Variants in FLNB observed in about 807,000 individuals in gnomAD.
FLNB encodes filamin B.
A neutral mutation model predicts 250.6 loss-of-function variants in FLNB; 111 were observed. The ratio of observed to expected loss-of-function variants is 0.44; its 90% CI spans 0.38 to 0.52. The LOEUF is 0.52. FLNB is among the 20% of genes least tolerant of loss of function. The pLI is 0.00. For synonymous variants in FLNB, 1,302 were observed against 1,372.1 expected (o/e 0.95, Z 1.13); for missense variants, 2,869 against 3,447.8 (o/e 0.83, Z 4.20).
rs1201038797 is a variant in FLNB, at chr3:58,150,199, C to T, written c.6339C>T (p.Ser2113=). ...SRAPSVATVG[S]ICDLNLKIPE... is the part of the protein sequence containing the mutation. ...CCCCGTCCGTGGCCACTGTCGGGAG[C>T]ATTTGTGACCTGAACCTGAAAATCC... The change falls in exon 38 of 46, where the codon AGC becomes AGT. Residue 2113 remains serine (S), a synonymous_variant. Transcript: ENST00000295956. 2.5e-6 allele frequency: 4 copies of T among 1,614,210 alleles called. No individual in the cohort carries two copies. Among genetic ancestry groups the T allele is most frequent in the Non-Finnish European group, 3.4e-6 (4 of 1,180,036 alleles).
intron 4 of FLNB, among the ~76,000 whole-genome samples, chr3:58,093,047 T>C (rs6785667): frequency 0.44 from 66,328 of 152,056 alleles, 16,096 homozygotes; most frequent in East Asian, 0.92. Context: ...GGTCCTCAGG[T>C]AACCCACAGC....
chr3:58,021,551 C>T (rs1181777415), intron 1 of FLNB, among the ~76,000 whole-genome samples: 1 of 152,160 alleles, frequency 6.6e-6, no homozygotes, highest in Non-Finnish European at 1.5e-5. Context: ...CATTCCTTAT[C>T]TCCACCAAAG....
chr3:58,023,291 T>C (rs1658343), intron 1 of FLNB, among the ~76,000 whole-genome samples: 114,691 of 151,798 alleles, frequency 0.76, 44,137 homozygotes, highest in East Asian at 0.95. Context: ...AGAGACAGGC[T>C]AAGCTTGTCT....
intron 15 of FLNB, 23 bp downstream of exon 15, chr3:58,109,722 C>T (rs1217927475): frequency 6.2e-7 from 1 of 1,613,980 alleles, no homozygotes; most frequent in Non-Finnish European, 8.5e-7. Flanking sequence ...TTTGTTCAAC[C>T]CAGTGATCAT....
At chr3:58,126,911 AT>A in intron 24 of FLNB, 149 bp downstream of exon 24, 1 of 751,240 alleles carries the variant, frequency 1.3e-6, no homozygotes, top group Non-Finnish European at 2.3e-6. Flanking sequence ...CATCTCCAAG[AT>A]TATCTCAACT....
At chr3:58,059,663 A>G (rs1412525716) in intron 1 of FLNB, among the ~76,000 whole-genome samples, 1 of 152,188 alleles carries the variant, frequency 6.6e-6, no homozygotes, top group Non-Finnish European at 1.5e-5. Flanking sequence ...CAGGAATGTT[A>G]GAATGTGTTC....
Position 58,148,362 on chromosome 3 carries a change from T to TA in FLNB, c.5885_5886insA (p.Gly1963TrpfsTer39). The TA allele has an allele frequency of 6.2e-7, 1 of 1,613,394 alleles. No homozygotes were observed. The highest frequency in any genetic ancestry group is 8.5e-7 in the Non-Finnish European group (1 of 1,179,754). On this transcript the variant is annotated frameshift_variant and splice_region_variant, in exon 35 of 46. Coordinates refer to ENST00000295956, the MANE Select transcript of FLNB (RefSeq NM_001457.4). LOFTEE classifies it high-confidence loss of function. The stretch of plus-strand genomic sequence containing the variant: ...CTGAAGAGGCTGCCCAACAACCACA[T>TA]TGGTGAGCTAGGCTACCCTTCCTGG...
intron 1 of FLNB, among the ~76,000 whole-genome samples, chr3:58,055,628 G>A (rs2106859070): frequency 6.6e-6 from 1 of 152,354 alleles, no homozygotes; most frequent in African/African-American, 2.4e-5. Context: ...GTGGTGTGTA[G>A]TAGGGAAAAC....
intron 4 of FLNB, among the ~76,000 whole-genome samples, chr3:58,094,050 T>C (rs1000106766): frequency 6.6e-6 from 1 of 152,212 alleles, no homozygotes; most frequent in South Asian, 2.1e-4. Context: ...TCAACGTCAA[T>C]ACCCTGGTTG....
At chr3:58,104,168 A>G (rs1204457214) in intron 10 of FLNB, 83 bp downstream of exon 10, 2 of 1,415,128 alleles carry the variant, frequency 1.4e-6, no homozygotes, top group Non-Finnish European at 9.8e-7. Context: ...CCCGGGCTGC[A>G]GGAGGGAAAG....
chr3:58,171,354 C>G lies in FLNB; in HGVS notation c.*592C>G, dbSNP rs11667. The G allele has an allele frequency of 0.015, 2,295 of 155,186 alleles. 55 individuals carry two copies. Among genetic ancestry groups the G allele is most frequent in the African/African-American group, 0.052 (2,148 of 41,550 alleles). 9.6% of individuals were successfully genotyped at this position (155,186 alleles called of 1,614,324 possible). ...GGCAGAGTGGCAGCCGGGCACCCTA[C>G]AGAAACTCAGAGGGCAGAGTGGCAG... On this transcript the variant is annotated 3_prime_UTR_variant, in exon 46 of 46. Coordinates refer to ENST00000295956, the MANE Select transcript of FLNB (RefSeq NM_001457.4). This position sits in a 1 kb window ranked among gnomAD's most constrained non-coding sequence, Gnocchi z 5.5.
Position 58,105,136 on chromosome 3 carries a change from G to T in FLNB, c.1667G>T (p.Gly556Val). The T allele has an allele frequency of 6.2e-7, 1 of 1,614,254 alleles. No individual in the cohort carries two copies. Among genetic ancestry groups the T allele is most frequent in the Non-Finnish European group, 8.5e-7 (1 of 1,180,054 alleles). ...EAGMQKVRAW[G>V]PGLHGGIVGR... ...GGTATGCAGAAAGTCCGTGCTTGGG[G>T]CCCTGGGCTCCATGGTGGGATTGTC... is the stretch of plus-strand genomic sequence containing the variant. The change falls in exon 11 of 46, where the codon GGC (glycine) becomes GTC (valine). Residue 556 changes from glycine (G) to valine (V), a missense_variant. Gly to Val is a moderately radical substitution (Grantham distance 109). Around this residue, in one of 5 missense-constraint regions of FLNB, gnomAD observed 1,348 missense variants for 1,466.7 expected, o/e 0.92. Transcript: ENST00000295956.
chr3:58,142,108 C>T lies in FLNB; in HGVS notation c.5181+179C>T, dbSNP rs950402148. Among the ~76,000 whole-genome samples, 1 of 152,158 alleles carries T rather than the reference C, an allele frequency of 6.6e-6. No homozygotes were observed. The highest frequency in any genetic ancestry group is 1.5e-5 in the Non-Finnish European group (1 of 68,036). Reference sequence around the variant, plus strand: ...TTTTTCTGTAATAAGATCACCTTTGCGTCACCATCCGTGCTCCACGAATCG... The same window carrying T: ...TTTTTCTGTAATAAGATCACCTTTGTGTCACCATCCGTGCTCCACGAATCG... On this transcript the variant is annotated intron_variant, in intron 30 of 45. Coordinates refer to ENST00000295956, the MANE Select transcript of FLNB (RefSeq NM_001457.4). The surrounding 1 kb of genome is among the most constrained non-coding windows in gnomAD (Gnocchi z 4.3).
At position 58,149,375 on chromosome 3, in the gene FLNB, T is replaced by A. The variant is rs996180841; in HGVS notation, c.6092-475T>A. ...ACGCTGGTGAATTCTAGACAAATTC[T>A]AACCCGGGGAGAGGGCTGGAGAATT... On this transcript the variant is annotated intron_variant, in intron 36 of 45. Coordinates refer to ENST00000295956, the MANE Select transcript of FLNB (RefSeq NM_001457.4). 1.6e-5 allele frequency: 4 copies of A among 251,112 alleles called. No individual in the cohort carries two copies. In the Admixed American group the frequency reaches 2.1e-4, roughly 13 times the overall value. The allele number at this position is 251,112 out of a possible 1,614,324, so 15.6% of individuals were successfully genotyped here. A position where few individuals can be genotyped will look rare whatever the true frequency, so the allele number is the denominator to read the frequency against.
chr3:58,159,503 C>T (rs1230767173), intron 41 of FLNB, 51 bp from the exon 42 acceptor site: 2 of 1,607,010 alleles, frequency 1.2e-6, no homozygotes, highest in Non-Finnish European at 8.5e-7. Context: ...GTGTGTGCCA[C>T]TGAGCAGGAA....
Position 58,077,313 on chromosome 3 carries a change from C to T in FLNB, c.541+19C>T, listed in dbSNP as rs775714579. 25 of 1,613,218 alleles carry T rather than the reference C, an allele frequency of 1.5e-5. No individual in the cohort carries two copies. The South Asian group carries it at 2.7e-4, about 18-fold the overall frequency. Reference sequence around the variant, plus strand: ...GCTCCAGGTAAGTGGCCAGGGCTGCCTAAACCATCTGTCCAGGATGGGGGT... The same window carrying T: ...GCTCCAGGTAAGTGGCCAGGGCTGCTTAAACCATCTGTCCAGGATGGGGGT... On this transcript the variant is annotated intron_variant, in intron 2 of 45. Transcript: ENST00000295956.
At chr3:58,024,958 G>A (rs533976272) in intron 1 of FLNB, among the ~76,000 whole-genome samples, 21 of 148,446 alleles carry the variant, frequency 1.4e-4, no homozygotes, top group African/African-American at 4.0e-4. Context: ...TACTCTGCCC[G>A]CCTCGGCCTC....
intron 1 of FLNB, among the ~76,000 whole-genome samples, chr3:58,038,014 ATTGTTTGTTTGT>A (rs367976181): frequency 3.3e-5 from 5 of 151,986 alleles, no homozygotes; most frequent in Non-Finnish European, 7.4e-5. Flanking sequence ...GCCTGTTCTT[ATTGTTTGTTTGT>A]TTGTTTGTTT....
chr3:58,079,234 A>T (rs1331934645), intron 3 of FLNB, among the ~76,000 whole-genome samples: 1 of 150,854 alleles, frequency 6.6e-6, no homozygotes, highest in African/African-American at 2.5e-5. Context: ...CAATAGCTTA[A>T]GAAAAGTCAC....
Sources: allele counts gnomAD v4.1 joint callset (sites outside exome capture counted in the v4.1 genomes callset), GRCh38; gene constraint gnomAD v4.1.1; regional missense constraint gnomAD v4.1.1; non-coding constraint Gnocchi (gnomAD v3.1); transcripts MANE v1.5; gene names NCBI Gene and HGNC (gene_info 2026-07-23, HGNC 2026-07-21).